Variants in OSBPL10 observed in about 807,000 individuals in gnomAD.
OSBPL10 encodes the protein oxysterol-binding protein-related protein 10.
In OSBPL10, 49 loss-of-function variants were observed where a neutral mutation model predicts 81.7. The ratio of observed to expected loss-of-function variants is 0.60; its 90% CI spans 0.48 to 0.76. The LOEUF (loss-of-function observed/expected upper bound fraction) is 0.76, where lower values mean the gene tolerates loss of function less well. OSBPL10 is among the 30% of genes least tolerant of loss of function. The probability of loss-of-function intolerance (pLI) is 0.00; values close to 1 mark genes in which losing one functional copy is unlikely to be tolerated. For missense variants in OSBPL10, 923 were observed against 987.8 expected (o/e 0.93, Z 0.88); for synonymous variants, 419 against 383.6 (o/e 1.09, Z -1.08).
chr3:32,042,212 C>G (rs935060407), intron 2 of OSBPL10, among the ~76,000 whole-genome samples: 28 of 152,222 alleles, frequency 1.8e-4, no homozygotes, highest in African/African-American at 6.5e-4. Context: ...CACCTCCCAT[C>G]TGTGGGGTCA....
At chr3:31,663,397 C>A (rs1449247063) in intron 11 of OSBPL10, 1 of 986,452 alleles carries the variant, frequency 1.0e-6, no homozygotes, top group Non-Finnish European at 1.2e-6. Flanking sequence ...TGCTTTAAGA[C>A]GTGTGGCTCC....
chr3:31,750,829 T>G (rs1187984530), intron 4 of OSBPL10, among the ~76,000 whole-genome samples: 1 of 152,190 alleles, frequency 6.6e-6, no homozygotes, highest in Non-Finnish European at 1.5e-5. Flanking sequence ...CGGTATATAC[T>G]CATTTCTAAT....
intron 3 of OSBPL10, among the ~76,000 whole-genome samples, chr3:31,832,535 T>C (rs1700269774): frequency 6.6e-6 from 1 of 152,172 alleles, no homozygotes; most frequent in South Asian, 2.1e-4. Context: ...TACTGTGTAG[T>C]GTCAGGAAGA....
chr3:31,940,821 G>T (rs554311590), intron 1 of OSBPL10, among the ~76,000 whole-genome samples: 1 of 152,190 alleles, frequency 6.6e-6, no homozygotes, highest in South Asian at 2.1e-4. Flanking sequence ...TGTATTTTTA[G>T]TAGAGACGGG....
At chr3:31,859,831 T>A (rs959830528) in intron 3 of OSBPL10, among the ~76,000 whole-genome samples, 1 of 152,226 alleles carries the variant, frequency 6.6e-6, no homozygotes, top group African/African-American at 2.4e-5. Context: ...TACAGCACCC[T>A]TACCTTGTAG....
chr3:31,876,323 G>A (rs1176640125), intron 3 of OSBPL10, 110 bp downstream of exon 3: 4 of 872,726 alleles, frequency 4.6e-6, no homozygotes, highest in Non-Finnish European at 7.5e-6. Context: ...CCACTGCAGT[G>A]GGCAACTTAA....
At chr3:31,934,410 CTTTTTT>C (rs11456297) in intron 1 of OSBPL10, among the ~76,000 whole-genome samples, 3 of 141,732 alleles carry the variant, frequency 2.1e-5, no homozygotes, top group African/African-American at 5.2e-5. Flanking sequence ...AAAATTCATT[CTTTTTT>C]TTTTTTTTTG....
intron 1 of OSBPL10, among the ~76,000 whole-genome samples, chr3:31,920,712 G>A (rs980757506): frequency 5.3e-5 from 8 of 152,182 alleles, no homozygotes; most frequent in African/African-American, 1.9e-4. Flanking sequence ...TGGGTCGTGG[G>A]AGGGAGGCAG....
intron 1 of OSBPL10, among the ~76,000 whole-genome samples, chr3:32,072,038 T>C (rs1373805185): frequency 6.6e-6 from 1 of 152,106 alleles, no homozygotes; most frequent in Non-Finnish European, 1.5e-5. Context: ...TGCCCCCCTC[T>C]ACTACCTCTC....
chr3:32,040,736 C>T (rs531474312), intron 2 of OSBPL10, among the ~76,000 whole-genome samples: 3 of 152,156 alleles, frequency 2.0e-5, no homozygotes, highest in Non-Finnish European at 4.4e-5. Context: ...AAACAGGAGG[C>T]TGAGGTGGGA....
chr3:31,797,767 C>G (rs1481261140), intron 4 of OSBPL10: 4 of 456,138 alleles, frequency 8.8e-6, no homozygotes, highest in African/African-American at 2.0e-5. Context: ...GAAAGATCAA[C>G]TGGGTTTGAG....
At chr3:31,979,027 T>G (rs1018482980) in intron 1 of OSBPL10, among the ~76,000 whole-genome samples, 2 of 152,228 alleles carry the variant, frequency 1.3e-5, no homozygotes, top group African/African-American at 4.8e-5. Flanking sequence ...GTAAAAGCTT[T>G]GCTGGCCTCA....
intron 1 of OSBPL10, among the ~76,000 whole-genome samples, chr3:31,953,230 G>A (rs937774105): frequency 6.6e-6 from 1 of 152,000 alleles, no homozygotes; most frequent in Non-Finnish European, 1.5e-5. Flanking sequence ...AGCGCGCCCG[G>A]TCCTCAGATA....
At chr3:31,806,766 T>C (rs559930474) in intron 4 of OSBPL10, among the ~76,000 whole-genome samples, 1 of 150,848 alleles carries the variant, frequency 6.6e-6, no homozygotes, top group African/African-American at 2.4e-5. Context: ...GAGGAGGCAT[T>C]TGGACAGAGG....
At chr3:31,852,919 G>T (rs1472262290) in intron 3 of OSBPL10, among the ~76,000 whole-genome samples, 1 of 152,132 alleles carries the variant, frequency 6.6e-6, no homozygotes, top group African/African-American at 2.4e-5. Flanking sequence ...TACATGATGA[G>T]AATCTAGGAA....
intron 2 of OSBPL10, among the ~76,000 whole-genome samples, chr3:32,014,869 C>T (rs1435221670): frequency 6.6e-6 from 1 of 152,050 alleles, no homozygotes. Flanking sequence ...AATAAAATAC[C>T]TAGGAATCCA....
intron 4 of OSBPL10, among the ~76,000 whole-genome samples, chr3:31,776,176 A>G (rs913298648): frequency 1.3e-5 from 2 of 152,164 alleles, no homozygotes; most frequent in African/African-American, 4.8e-5. Flanking sequence ...GATTAATTAC[A>G]TATAAAAGTC....
At chr3:31,840,081 G>A (rs531020794) in intron 3 of OSBPL10, among the ~76,000 whole-genome samples, 15 of 150,890 alleles carry the variant, frequency 9.9e-5, no homozygotes, top group African/African-American at 1.7e-4. Context: ...TTCTTCTCAC[G>A]TCTCATTGTA....
At chr3:31,768,064 T>C (rs1698256610) in intron 4 of OSBPL10, among the ~76,000 whole-genome samples, 1 of 152,188 alleles carries the variant, frequency 6.6e-6, no homozygotes, top group African/African-American at 2.4e-5. Context: ...GTTCATGAGT[T>C]TTCCGGGAAA....
Sources: gnomAD v4.1 joint callset for allele counts (sites outside exome capture counted in the v4.1 genomes callset) on GRCh38, gnomAD v4.1.1 for gene constraint, MANE v1.5 for transcripts, NCBI Gene and HGNC (gene_info 2026-07-23, HGNC 2026-07-21) for gene names.